The following TDRD3 variants were observed in gnomAD, a reference collection of about 807,000 sequenced individuals.
TDRD3 encodes tudor domain containing 3.
TDRD3 carries 45 observed loss-of-function variants against 86.7 expected under a neutral mutation model. The observed-to-expected ratio is 0.52, with a 90% confidence interval of 0.41 to 0.67. The LOEUF is 0.67. Ranked by LOEUF, TDRD3 falls within the 30% of genes least tolerant of loss-of-function variation. TDRD3 has a pLI of 0.00. For missense variants in TDRD3, 814 were observed against 889.0 expected (o/e 0.92, Z 1.07); for synonymous variants, 298 against 301.7 (o/e 0.99, Z 0.13).
chr13:60,438,335 C>T, intron 1 of TDRD3, among the ~76,000 whole-genome samples: 1 of 152,054 alleles, frequency 6.6e-6, no homozygotes, highest in East Asian at 1.9e-4. Flanking sequence ...ATTCCATGGT[C>T]ACTTATATAC....
At chr13:60,450,948 TACATACACACATACAC>T (rs1157696319) in intron 3 of TDRD3, among the ~76,000 whole-genome samples, 1 of 152,076 alleles carries the variant, frequency 6.6e-6, no homozygotes, top group East Asian at 1.9e-4. Context: ...AGCTCTACGG[TACATACACACATACAC>T]ACACAGATCA....
intron 6 of TDRD3, chr13:60,484,860 C>A: frequency 6.4e-6 from 2 of 310,658 alleles, no homozygotes; most frequent in South Asian, 2.8e-5. Context: ...AAAATTTACC[C>A]TTAAACATTT....
chr13:60,494,293 A>C, intron 7 of TDRD3, 142 bp from the exon 8 acceptor site: 1 of 892,664 alleles, frequency 1.1e-6, no homozygotes, highest in Non-Finnish European at 1.6e-6. Flanking sequence ...ATTCAAAAGG[A>C]GTAAGTTAAT....
intron 10 of TDRD3, among the ~76,000 whole-genome samples, chr13:60,524,712 A>C (rs930681121): frequency 8.5e-5 from 13 of 152,222 alleles, no homozygotes; most frequent in Non-Finnish European, 1.3e-4. Context: ...TTGGATGATG[A>C]ATCCAAGAAT....
intron 8 of TDRD3, among the ~76,000 whole-genome samples, chr13:60,505,144 C>T (rs1275729501): frequency 2.0e-5 from 3 of 152,180 alleles, no homozygotes; most frequent in African/African-American, 7.2e-5. Flanking sequence ...TAGTCTAGCT[C>T]AGCGGATCCC....
chr13:60,551,881 C>G (rs1378630889), intron 12 of TDRD3, among the ~76,000 whole-genome samples: 1 of 152,100 alleles, frequency 6.6e-6, no homozygotes, highest in Non-Finnish European at 1.5e-5. Flanking sequence ...CCATCAGTTC[C>G]CCTGAGAACT....
At chr13:60,551,636 AT>A (rs1359558764) in intron 12 of TDRD3, among the ~76,000 whole-genome samples, 1 of 151,950 alleles carries the variant, frequency 6.6e-6, no homozygotes, top group Non-Finnish European at 1.5e-5. Context: ...TTCTGTTAAA[AT>A]TTTCTTTTCT....
intron 1 of TDRD3, among the ~76,000 whole-genome samples, chr13:60,433,445 C>G (rs1429231527): frequency 6.6e-6 from 1 of 152,154 alleles, no homozygotes; most frequent in Non-Finnish European, 1.5e-5. Context: ...ACATTTGTTA[C>G]AGGCATAATT....
At chr13:60,434,602 T>C (rs868651345) in intron 1 of TDRD3, among the ~76,000 whole-genome samples, 5 of 152,146 alleles carry the variant, frequency 3.3e-5, no homozygotes, top group Non-Finnish European at 5.9e-5. Context: ...AATGCCCTGC[T>C]TGTCAGTAAA....
chr13:60,502,945 A>C (rs1256158555), intron 8 of TDRD3, among the ~76,000 whole-genome samples: 2 of 152,204 alleles, frequency 1.3e-5, no homozygotes, highest in East Asian at 3.8e-4. Context: ...ACTTAAGAGT[A>C]CTCAGAGATA....
intron 3 of TDRD3, among the ~76,000 whole-genome samples, chr13:60,456,831 G>A (rs149986978): frequency 1.8e-4 from 28 of 152,010 alleles, no homozygotes; most frequent in African/African-American, 5.8e-4. Context: ...AAGTAGCTGC[G>A]GCTACAAGCA....
chr13:60,553,585 C>T (rs191731130), intron 12 of TDRD3, among the ~76,000 whole-genome samples: 38 of 151,580 alleles, frequency 2.5e-4, no homozygotes, highest in East Asian at 7.8e-4. Flanking sequence ...AATTGACTCA[C>T]GGTTCTGCAT....
At chr13:60,497,010 C>T (rs1411616829) in intron 8 of TDRD3, among the ~76,000 whole-genome samples, 3 of 152,172 alleles carry the variant, frequency 2.0e-5, no homozygotes, top group Admixed American at 6.5e-5. Flanking sequence ...AACTAGTGTT[C>T]AGCTCAATTA....
At chr13:60,572,721 T>C (rs775121970) in intron 13 of TDRD3, among the ~76,000 whole-genome samples, 43 of 152,198 alleles carry the variant, frequency 2.8e-4, no homozygotes, top group Admixed American at 6.5e-5. Context: ...AACCAATAGC[T>C]AAGCATAGAC....
intron 11 of TDRD3, among the ~76,000 whole-genome samples, chr13:60,532,648 A>G (rs1012314544): frequency 2.0e-5 from 3 of 152,192 alleles, no homozygotes; most frequent in East Asian, 3.8e-4. Flanking sequence ...TTTCCTCACA[A>G]TATCTTGCCT....
intron 2 of TDRD3, among the ~76,000 whole-genome samples, chr13:60,440,886 G>A (rs921502238): frequency 2.0e-5 from 3 of 151,818 alleles, no homozygotes; most frequent in Non-Finnish European, 4.4e-5. Context: ...ATGGGCACAA[G>A]GAACATTTAA....
chr13:60,423,810 ATTTAT>A (rs2137882246), intron 1 of TDRD3, among the ~76,000 whole-genome samples: 1 of 152,290 alleles, frequency 6.6e-6, no homozygotes, highest in African/African-American at 2.4e-5. Flanking sequence ...TTAGAGGAAA[ATTTAT>A]TTTACTGCTT....
At chr13:60,552,826 C>A (rs1023378336) in intron 12 of TDRD3, among the ~76,000 whole-genome samples, 6 of 152,238 alleles carry the variant, frequency 3.9e-5, no homozygotes, top group African/African-American at 7.2e-5. Flanking sequence ...GTCTTGCACC[C>A]TTTGAAGCCA....
At chr13:60,485,152 T>C (rs1244583887) in intron 6 of TDRD3, among the ~76,000 whole-genome samples, 2 of 152,252 alleles carry the variant, frequency 1.3e-5, no homozygotes, top group East Asian at 1.9e-4. Flanking sequence ...TTCTTTGAGA[T>C]CTTCCCATTT....
Sources: gnomAD v4.1 joint callset for allele counts (sites outside exome capture counted in the v4.1 genomes callset) on GRCh38, gnomAD v4.1.1 for gene constraint, MANE v1.5 for transcripts, NCBI Gene and HGNC (gene_info 2026-07-23, HGNC 2026-07-21) for gene names.